Variants in CAPZB observed in about 807,000 individuals in gnomAD.
The protein encoded by CAPZB is capping actin protein of muscle Z-line subunit beta, also known as F-actin-capping protein subunit beta.
Under a neutral mutation model 38.1 loss-of-function variants are expected in CAPZB, and 2 were observed. The ratio of observed to expected loss-of-function variants is 0.05; its 90% confidence interval spans 0.02 to 0.17. The LOEUF (loss-of-function observed/expected upper bound fraction) is 0.17, where lower values mean the gene tolerates loss of function less well. CAPZB is among the 10% of genes least tolerant of loss of function. The pLI is 1.00. For missense variants in CAPZB, 161 were observed against 334.2 expected (o/e 0.48, Z 4.04); for synonymous variants, 107 against 127.4 (o/e 0.84, Z 1.08).
At chr1:19,471,488 T>A (rs2100778091) in intron 1 of CAPZB, among the ~76,000 whole-genome samples, 1 of 152,276 alleles carries the variant, frequency 6.6e-6, no homozygotes, top group Middle Eastern at 3.4e-3. Context: ...AGTATTTACA[T>A]GTCTATGTTC....
chr1:19,419,620 A>C (rs2094393628), intron 2 of CAPZB, 41 bp downstream of exon 2: 1 of 1,176,676 alleles, frequency 8.5e-7, no homozygotes, highest in African/African-American at 1.5e-5. Flanking sequence ...ACTAACTCTT[A>C]GCCGCAGTCT....
chr1:19,451,131 A>G (rs935076154), intron 1 of CAPZB, among the ~76,000 whole-genome samples: 3 of 152,044 alleles, frequency 2.0e-5, no homozygotes, highest in African/African-American at 7.3e-5. Context: ...TTGTTATTGC[A>G]CCTCTCCTCA....
At chr1:19,342,761 C>T (rs1444135103) in intron 8 of CAPZB, 2 of 1,607,818 alleles carry the variant, frequency 1.2e-6, no homozygotes, top group East Asian at 2.2e-5. Flanking sequence ...CCTGGATCGG[C>T]TTAATTATCA....
intron 3 of CAPZB, among the ~76,000 whole-genome samples, chr1:19,379,092 T>TTTTCTTTC (rs139455748): frequency 7.6e-6 from 1 of 131,114 alleles, no homozygotes; most frequent in African/African-American, 3.1e-5. Context: ...ACCTATTTTT[T>TTTTCTTTC]TTTCTTTCTT....
chr1:19,356,890 C>G lies in CAPZB; in HGVS notation c.472-139G>C, dbSNP rs916146644. The G allele has an allele frequency of 7.7e-6, 5 of 647,030 alleles. No homozygotes were observed. The African/African-American group carries it at 9.2e-5, about 12-fold the overall frequency. The allele number at this position is 647,030 out of a possible 1,614,324, so 40.1% of individuals were successfully genotyped here. A position where few individuals can be genotyped will look rare whatever the true frequency, so the allele number is the denominator to read the frequency against. ...TTTTTTTTTAAATTGGAGACAAAGT[C>G]TCGCTCTGTCACCCAGGCTGGAGTG... On this transcript the variant is annotated intron_variant, in intron 5 of 8. Coordinates refer to ENST00000264202, the MANE Select transcript of CAPZB (RefSeq NM_004930.5). The surrounding 1 kb of genome is among the most constrained non-coding windows in gnomAD (Gnocchi z 4.3).
chr1:19,449,861 C>A lies in CAPZB; in HGVS notation c.4-30111G>T, dbSNP rs191157845. Among the ~76,000 whole-genome samples the A allele has an allele frequency of 3.3e-5, 5 of 150,850 alleles. No homozygotes were observed. The East Asian group carries it at 9.7e-4, about 29-fold the overall frequency. On this transcript the variant is annotated intron_variant, in intron 1 of 8. Transcript: ENST00000264202. ...AGAAAGAGAAAGAAAAAAATATAGGCTGGGCACAGTAGCTCACGCCTGTTA... is the reference window on the plus strand; with the variant it reads ...AGAAAGAGAAAGAAAAAAATATAGGATGGGCACAGTAGCTCACGCCTGTTA...
intron 4 of CAPZB, among the ~76,000 whole-genome samples, chr1:19,364,143 A>T (rs942694901): frequency 3.9e-5 from 6 of 152,242 alleles, no homozygotes; most frequent in African/African-American, 1.4e-4. Flanking sequence ...TCTTGCAGTC[A>T]ACTTCACTGA....
In CAPZB at chr1:19,338,957, G is replaced by C. The variant is rs2093911598; in HGVS notation, c.*573C>G. 1 of 151,078 alleles carries C rather than the reference G, an allele frequency of 6.6e-6. No homozygotes were observed. Among genetic ancestry groups the C allele is most frequent in the Middle Eastern group, 3.2e-3 (1 of 310 alleles). 9.4% of individuals were successfully genotyped at this position (151,078 alleles called of 1,614,324 possible). A position where few individuals can be genotyped will look rare whatever the true frequency, so the allele number is the denominator to read the frequency against. ...ACCTGGCCGGAAGAGCGGAACGGTC[G>C]GCGGCACCCCCCCCAGCCCCCACCC... On this transcript the variant is annotated 3_prime_UTR_variant, in exon 9 of 9. Transcript: ENST00000264202.
In CAPZB at chr1:19,357,377, A is replaced by G. The variant is rs2094027511; in HGVS notation, c.471+45T>C. 6.3e-7 allele frequency: 1 copy of G among 1,599,180 alleles called. No homozygotes were observed. Among genetic ancestry groups the G allele is most frequent in the East Asian group, 2.2e-5 (1 of 44,810 alleles). Reference sequence around the variant, plus strand: ...GCAGCGCGGCACTGGTTGGTGTGCCATCTGTACTTAGTGGCCCGGGCCACC... The same window carrying G: ...GCAGCGCGGCACTGGTTGGTGTGCCGTCTGTACTTAGTGGCCCGGGCCACC... On this transcript the variant is annotated intron_variant, in intron 5 of 8. Transcript: ENST00000264202. This position sits in a 1 kb window ranked among gnomAD's most constrained non-coding sequence, Gnocchi z 4.3.
At chr1:19,364,846 T>C (rs1458254556) in intron 4 of CAPZB, among the ~76,000 whole-genome samples, 1 of 152,144 alleles carries the variant, frequency 6.6e-6, no homozygotes, top group Non-Finnish European at 1.5e-5. Flanking sequence ...TTTTTCTTTT[T>C]TTTTTTCTCT....
intron 1 of CAPZB, among the ~76,000 whole-genome samples, chr1:19,467,747 G>A (rs1160854171): frequency 6.6e-6 from 1 of 152,172 alleles, no homozygotes; most frequent in Non-Finnish European, 1.5e-5. Flanking sequence ...GCCCCCGAAA[G>A]CCTCCCCATT....
intron 1 of CAPZB, among the ~76,000 whole-genome samples, chr1:19,442,257 G>C (rs1026319757): frequency 6.6e-6 from 1 of 152,110 alleles, no homozygotes; most frequent in South Asian, 2.1e-4. Flanking sequence ...TACACTATTA[G>C]AATCTGGCTT....
intron 8 of CAPZB, chr1:19,342,622 G>A (rs933028322): frequency 2.1e-5 from 14 of 663,724 alleles, no homozygotes; most frequent in African/African-American, 3.5e-5. Flanking sequence ...GCTGTGCACC[G>A]ACCGGGAGCA....
At position 19,431,581 on chromosome 1, in the gene CAPZB, C is replaced by T. The variant is rs1376268028; in HGVS notation, c.4-11831G>A. Among the ~76,000 whole-genome samples, 7 of 140,936 alleles carry T rather than the reference C, an allele frequency of 5.0e-5. 1 individual carries two copies. In the South Asian group the frequency reaches 1.1e-3, roughly 22 times the overall value. The allele number at this position is 140,936 out of a possible 152,430, so 92.5% of individuals were successfully genotyped here. A position where few individuals can be genotyped will look rare whatever the true frequency, so the allele number is the denominator to read the frequency against. On this transcript the variant is annotated intron_variant, in intron 1 of 8. Transcript: ENST00000264202. Reference sequence around the variant, plus strand: ...CTAAAAATACAAAAAATCAGCTGGGCGTGGTGGCGGGCGCCTGTAGTCCCA... The same window carrying T: ...CTAAAAATACAAAAAATCAGCTGGGTGTGGTGGCGGGCGCCTGTAGTCCCA...
At chr1:19,342,693 CG>C in intron 8 of CAPZB, 2 of 1,046,036 alleles carry the variant, frequency 1.9e-6, no homozygotes, top group Non-Finnish European at 2.9e-6. Flanking sequence ...GGCAGGGTCT[CG>C]GCGGGTTGGT....
intron 1 of CAPZB, among the ~76,000 whole-genome samples, chr1:19,426,524 G>T (rs141811967): frequency 0.012 from 1,750 of 152,148 alleles, 17 homozygotes; most frequent in Non-Finnish European, 0.019. Context: ...CACAAATGAT[G>T]CCCTATGACT....
At chr1:19,427,021 G>A (rs2094425388) in intron 1 of CAPZB, among the ~76,000 whole-genome samples, 1 of 152,176 alleles carries the variant, frequency 6.6e-6, no homozygotes, top group African/African-American at 2.4e-5. Flanking sequence ...CAACAGATAG[G>A]ACGAGGTCAG....
At chr1:19,368,595 G>C (rs751919081) in intron 4 of CAPZB, among the ~76,000 whole-genome samples, 1 of 151,774 alleles carries the variant, frequency 6.6e-6, no homozygotes, top group Non-Finnish European at 1.5e-5. Flanking sequence ...CCTGTACTGG[G>C]GATTTTGGAG....
At chr1:19,422,729 A>AAACAACAACAACAACAAC (rs60458604) in intron 1 of CAPZB, among the ~76,000 whole-genome samples, 27 of 150,448 alleles carry the variant, frequency 1.8e-4, no homozygotes, top group South Asian at 1.3e-3. Context: ...TCCATCTCAA[A>AAACAACAACAACAACAAC]AACAACAACA....
Sources: gnomAD v4.1 joint callset for allele counts (sites outside exome capture counted in the v4.1 genomes callset) on GRCh38, gnomAD v4.1.1 for gene constraint, Gnocchi (gnomAD v3.1) non-coding constraint, MANE v1.5 for transcripts, NCBI Gene and HGNC (gene_info 2026-07-23, HGNC 2026-07-21) for gene names.